The following FTO variants were observed in gnomAD, a reference collection of about 807,000 sequenced individuals.
FTO encodes FTO alpha-ketoglutarate dependent dioxygenase.
In FTO, 47 loss-of-function variants were observed where a neutral mutation model predicts 63.9. The ratio of observed to expected loss-of-function variants is 0.74; its 90% CI spans 0.58 to 0.94. The LOEUF (loss-of-function observed/expected upper bound fraction) is 0.94, where lower values mean the gene tolerates loss of function less well. Ranked by LOEUF, FTO falls within the 40% of genes least tolerant of loss-of-function variation. FTO has a pLI of 0.00. For missense variants in FTO, 562 were observed against 618.1 expected, an observed-to-expected ratio of 0.91 and a Z score of 0.96; for synonymous variants, 207 against 224.4, an observed-to-expected ratio of 0.92 and a Z score of 0.69.
chr16:53,953,290 G>T (rs1465750286), intron 8 of FTO, among the ~76,000 whole-genome samples: 5 of 152,192 alleles, frequency 3.3e-5, no homozygotes. Context: ...GAAGCATTTG[G>T]CTCTGGAAAG....
chr16:53,959,181 CA>C (rs1157889776), intron 8 of FTO, among the ~76,000 whole-genome samples: 2 of 152,232 alleles, frequency 1.3e-5, no homozygotes, highest in South Asian at 2.1e-4. Flanking sequence ...GTAACCTTCC[CA>C]GGGGCACAAG....
intron 7 of FTO, chr16:53,923,208 C>T (rs560754022): frequency 2.0e-5 from 3 of 152,160 alleles, no homozygotes; most frequent in South Asian, 2.1e-4. Flanking sequence ...TTGTTTCAGC[C>T]GTAGTAGTTA....
chr16:53,886,542 G>A (rs1028997617), intron 6 of FTO, among the ~76,000 whole-genome samples: 25 of 152,140 alleles, frequency 1.6e-4, no homozygotes, highest in Admixed American at 1.5e-3. Flanking sequence ...AGTACTCAAG[G>A]TTACATCTGT....
chr16:54,049,829 G>C (rs1163785906), intron 8 of FTO, among the ~76,000 whole-genome samples: 10 of 152,188 alleles, frequency 6.6e-5, no homozygotes, highest in African/African-American at 1.9e-4. Flanking sequence ...CAAGATATGG[G>C]TGTTTTCATG....
intron 1 of FTO, among the ~76,000 whole-genome samples, chr16:53,793,645 G>A (rs1254173558): frequency 6.6e-6 from 1 of 152,186 alleles, no homozygotes; most frequent in African/African-American, 2.4e-5. Flanking sequence ...TAGGGACTAA[G>A]TACTTTGTTA....
chr16:53,951,245 C>G (rs1011919229), intron 8 of FTO, among the ~76,000 whole-genome samples: 1 of 152,188 alleles, frequency 6.6e-6, no homozygotes, highest in African/African-American at 2.4e-5. Context: ...TACCCCCCAA[C>G]ACAATGCTCA....
intron 1 of FTO, among the ~76,000 whole-genome samples, chr16:53,771,833 A>G (rs2077348349): frequency 6.6e-6 from 1 of 152,146 alleles, no homozygotes; most frequent in South Asian, 2.1e-4. Flanking sequence ...GAACTTTGAA[A>G]CCATATGCTC....
At chr16:53,978,754 T>C (rs2083479250) in intron 8 of FTO, among the ~76,000 whole-genome samples, 1 of 152,186 alleles carries the variant, frequency 6.6e-6, no homozygotes, top group Non-Finnish European at 1.5e-5. Context: ...CCCAGCACTT[T>C]GGGAGGCCAA....
At chr16:53,726,421 A>G (rs1188437453) in intron 1 of FTO, among the ~76,000 whole-genome samples, 1 of 152,218 alleles carries the variant, frequency 6.6e-6, no homozygotes, top group Non-Finnish European at 1.5e-5. Context: ...CTAAAGAAGA[A>G]TAAATTAACT....
At chr16:53,734,015 T>C (rs2151519399) in intron 1 of FTO, among the ~76,000 whole-genome samples, 1 of 152,340 alleles carries the variant, frequency 6.6e-6, no homozygotes, top group African/African-American at 2.4e-5. Flanking sequence ...TTGTAGAAAT[T>C]CAACTCTCAT....
intron 8 of FTO, among the ~76,000 whole-genome samples, chr16:53,990,660 A>C (rs1169847542): frequency 8.5e-6 from 1 of 118,108 alleles, no homozygotes; most frequent in South Asian, 2.5e-4. Flanking sequence ...TTTTCTTTTT[A>C]TTTTATTTTA....
chr16:53,783,311 C>A (rs2151662875), intron 1 of FTO, among the ~76,000 whole-genome samples: 1 of 151,902 alleles, frequency 6.6e-6, no homozygotes, highest in Non-Finnish European at 1.5e-5. Flanking sequence ...GAAACACTGT[C>A]TCTACTAAAA....
chr16:54,077,955 G>A (rs775820704), intron 8 of FTO, among the ~76,000 whole-genome samples: 55 of 152,110 alleles, frequency 3.6e-4, no homozygotes, highest in Non-Finnish European at 7.8e-4. Flanking sequence ...GACATACCAA[G>A]GATGGGGCAG....
chr16:53,747,625 A>G (rs1461191668), intron 1 of FTO, among the ~76,000 whole-genome samples: 2 of 152,042 alleles, frequency 1.3e-5, no homozygotes, highest in African/African-American at 4.8e-5. Context: ...TTGTCTCTTC[A>G]CTTTTTTAAT....
At chr16:53,721,799 A>G (rs1464045814) in intron 1 of FTO, among the ~76,000 whole-genome samples, 3 of 152,186 alleles carry the variant, frequency 2.0e-5, no homozygotes, top group African/African-American at 4.8e-5. Flanking sequence ...TTTCAGCATT[A>G]TGACAGTGCA....
At chr16:53,853,675 A>T (rs1054599644) in intron 4 of FTO, among the ~76,000 whole-genome samples, 3 of 152,184 alleles carry the variant, frequency 2.0e-5, no homozygotes, top group African/African-American at 7.2e-5. Flanking sequence ...ATGACTGAGT[A>T]GTATTTCATG....
intron 8 of FTO, among the ~76,000 whole-genome samples, chr16:53,957,158 G>A (rs1196674762): frequency 6.6e-6 from 1 of 152,102 alleles, no homozygotes; most frequent in Non-Finnish European, 1.5e-5. Flanking sequence ...TGGCTTGCCC[G>A]GGGCTGGCAT....
rs2075735963 is a variant in FTO, at chr16:53,710,320, C to T, written c.45+6091C>T. 2.0e-5 allele frequency among the ~76,000 whole-genome samples: 3 copies of T among 146,902 alleles called. No individual in the cohort carries two copies. In the South Asian group the frequency reaches 6.5e-4, roughly 32 times the overall value. Reference sequence around the variant, plus strand: ...TCGCTCTGTTGCCCAGGCTGGAGTGCAGTGGCGCGATCTCAGCTCACTGCA... The same window carrying T: ...TCGCTCTGTTGCCCAGGCTGGAGTGTAGTGGCGCGATCTCAGCTCACTGCA... On this transcript the variant is annotated intron_variant, in intron 1 of 8. Coordinates refer to ENST00000471389, the MANE Select transcript of FTO (RefSeq NM_001080432.3).
intron 1 of FTO, among the ~76,000 whole-genome samples, chr16:53,754,014 C>T (rs2076859822): frequency 6.6e-6 from 1 of 152,146 alleles, no homozygotes; most frequent in Non-Finnish European, 1.5e-5. Flanking sequence ...TTGCCTGTAT[C>T]GTTAGAGAAC....
Sources: gnomAD v4.1 joint callset for allele counts (sites outside exome capture counted in the v4.1 genomes callset) on GRCh38, gnomAD v4.1.1 for gene constraint, MANE v1.5 for transcripts, NCBI Gene and HGNC (gene_info 2026-07-23, HGNC 2026-07-21) for gene names.